Variants in BRD4 observed in about 807,000 individuals in gnomAD.
BRD4 encodes the protein bromodomain containing 4.
A neutral mutation model predicts 142.1 loss-of-function variants in BRD4; 16 were observed. The ratio of observed to expected loss-of-function variants is 0.11; its 90% CI spans 0.08 to 0.17. BRD4 has a LOEUF of 0.17. Among genes scored for constraint, BRD4 ranks in the 10% least tolerant of loss-of-function variants. The pLI, the probability that BRD4 is intolerant of heterozygous loss-of-function variation, is 1.00. For synonymous variants in BRD4, 833 were observed against 707.5 expected, an observed-to-expected ratio of 1.18 and a Z score of -2.82; for missense variants, 1,424 against 1,810.9, an observed-to-expected ratio of 0.79 and a Z score of 3.88.
chr19:15,304,781 A>G (rs1268263772), intron 1 of BRD4, among the ~76,000 whole-genome samples: 8 of 152,106 alleles, frequency 5.3e-5, no homozygotes, highest in Admixed American at 5.2e-4. Flanking sequence ...TTAGGGTCTC[A>G]GTTTTGCAGC....
intron 1 of BRD4, among the ~76,000 whole-genome samples, chr19:15,286,593 T>C (rs550659448): frequency 1.3e-5 from 2 of 152,336 alleles, no homozygotes; most frequent in Admixed American, 1.3e-4. Flanking sequence ...AACATTTTTT[T>C]CCTTACTAAA....
chr19:15,285,616 A>G (rs986168572), intron 1 of BRD4, among the ~76,000 whole-genome samples: 2 of 152,234 alleles, frequency 1.3e-5, no homozygotes, highest in African/African-American at 2.4e-5. Context: ...ATCACACATA[A>G]ATAAAGCCTT....
chr19:15,272,764 CAGG>C (rs771526431), intron 2 of BRD4, 48 bp downstream of exon 2: 1 of 1,548,834 alleles, frequency 6.5e-7, no homozygotes, highest in South Asian at 1.2e-5. Flanking sequence ...AGGAGACATG[CAGG>C]AGACGACCTC....
rs995599589 is a variant in BRD4, at chr19:15,253,334, G to C, written c.2158+818C>G. 3 of 581,420 alleles carry C rather than the reference G, an allele frequency of 5.2e-6. No homozygotes were observed. In the Admixed American group the frequency reaches 9.7e-5, roughly 19 times the overall value. 36.0% of individuals were successfully genotyped at this position (581,420 alleles called of 1,614,324 possible). A position where few individuals can be genotyped will look rare whatever the true frequency, so the allele number is the denominator to read the frequency against. On this transcript the variant is annotated intron_variant, in intron 11 of 19. Transcript: ENST00000679869. ...CATCTGCGCCCCTGAGAATAATGAG[G>C]AAAGTGCACACTTGGAGGAGAGCAG...
chr19:15,319,652 G>A (rs1044161477), intron 1 of BRD4, among the ~76,000 whole-genome samples: 1 of 151,826 alleles, frequency 6.6e-6, no homozygotes, highest in African/African-American at 2.4e-5. Flanking sequence ...CCATCAAGAG[G>A]CAGGGTGAAG....
At chr19:15,290,293 C>A (rs550980283) in intron 1 of BRD4, among the ~76,000 whole-genome samples, 1 of 152,274 alleles carries the variant, frequency 6.6e-6, no homozygotes, top group South Asian at 2.1e-4. Flanking sequence ...AAAGTTAGTA[C>A]TAGACCATTT....
chr19:15,310,683 C>T (rs905133633), intron 1 of BRD4, among the ~76,000 whole-genome samples: 23 of 150,924 alleles, frequency 1.5e-4, no homozygotes, highest in Admixed American at 1.4e-3. Context: ...TTATTAGAGA[C>T]GGGGTTTCAC....
At chr19:15,297,831 G>A (rs981584939) in intron 1 of BRD4, among the ~76,000 whole-genome samples, 3 of 152,210 alleles carry the variant, frequency 2.0e-5, no homozygotes, top group African/African-American at 7.2e-5. Flanking sequence ...AATGGTAATG[G>A]CAGCATATAA....
intron 1 of BRD4, among the ~76,000 whole-genome samples, chr19:15,326,417 G>A (rs6512023): frequency 0.78 from 118,725 of 151,964 alleles, 47,140 homozygotes; most frequent in African/African-American, 0.94. Flanking sequence ...CAATGAGCCA[G>A]TCTCTGCATG....
intron 1 of BRD4, among the ~76,000 whole-genome samples, chr19:15,304,353 G>A (rs1334268548): frequency 1.3e-5 from 2 of 152,200 alleles, no homozygotes; most frequent in African/African-American, 4.8e-5. Flanking sequence ...ACAAGTGCTG[G>A]CCTAACCAAG....
intron 1 of BRD4, among the ~76,000 whole-genome samples, chr19:15,326,957 T>C (rs2048113459): frequency 6.6e-6 from 1 of 152,196 alleles, no homozygotes; most frequent in Admixed American, 6.5e-5. Context: ...CTGTTCTCTA[T>C]GGAGCAGCAT....
chr19:15,242,024 G>A (rs118126009), intron 14 of BRD4, among the ~76,000 whole-genome samples: 2,173 of 152,194 alleles, frequency 0.014, 29 homozygotes, highest in Non-Finnish European at 0.019. Flanking sequence ...TCTTGGTCAG[G>A]CTGGTCTTGA....
At chr19:15,263,089 G>A (rs2047491548) in intron 7 of BRD4, among the ~76,000 whole-genome samples, 2 of 152,062 alleles carry the variant, frequency 1.3e-5, no homozygotes, top group South Asian at 2.1e-4. Context: ...GCGACTTCTC[G>A]GCAAGAGTGC....
At chr19:15,311,634 T>A (rs566359729) in intron 1 of BRD4, among the ~76,000 whole-genome samples, 19 of 149,276 alleles carry the variant, frequency 1.3e-4, no homozygotes, top group African/African-American at 4.4e-4. Flanking sequence ...CTACTAAAAA[T>A]ACATTAAAAA....
intron 1 of BRD4, among the ~76,000 whole-genome samples, chr19:15,288,445 G>C (rs1425903840): frequency 6.6e-6 from 1 of 152,146 alleles, no homozygotes; most frequent in Non-Finnish European, 1.5e-5. Flanking sequence ...GTGAAACACA[G>C]GATCCAGTTA....
chr19:15,325,351 C>T (rs2048098309), intron 1 of BRD4, among the ~76,000 whole-genome samples: 1 of 152,182 alleles, frequency 6.6e-6, no homozygotes, highest in African/African-American at 2.4e-5. Flanking sequence ...TGCCAAGAGG[C>T]TGCCCAAGCC....
In BRD4 at chr19:15,238,160, GGGGTGGT is replaced by G. The variant is rs2047208804; in HGVS notation, c.*210_*216del. On this transcript the variant is annotated 3_prime_UTR_variant, in exon 20 of 20. Transcript: ENST00000679869. This position sits in a 1 kb window ranked among gnomAD's most constrained non-coding sequence, Gnocchi z 7.2. ...CGTGTGCTGAGCGGACGTCCTGTGAGGGGTGGTGGGTGGCGGGACGTCTGTCCGACTG... is the reference window on the plus strand; with the variant it reads ...CGTGTGCTGAGCGGACGTCCTGTGAGGGGTGGCGGGACGTCTGTCCGACTG... 2 of 663,348 alleles carry G rather than the reference GGGGTGGT, an allele frequency of 3.0e-6. No individual in the cohort carries two copies. The allele number at this position is 663,348 out of a possible 1,614,324, so 41.1% of individuals were successfully genotyped here.
intron 1 of BRD4, among the ~76,000 whole-genome samples, chr19:15,296,522 G>A (rs8102209): frequency 0.78 from 119,032 of 152,144 alleles, 47,354 homozygotes; most frequent in African/African-American, 0.94. Context: ...AGCCACACAA[G>A]GCCCAAAGCC....
At chr19:15,313,154 G>A (rs1178437915) in intron 1 of BRD4, among the ~76,000 whole-genome samples, 2 of 149,696 alleles carry the variant, frequency 1.3e-5, no homozygotes, top group Admixed American at 1.3e-4. Context: ...GGCGGATCAC[G>A]AGGTCAGGAG....
Sources: allele counts gnomAD v4.1 joint callset (sites outside exome capture counted in the v4.1 genomes callset), GRCh38; gene constraint gnomAD v4.1.1; non-coding constraint Gnocchi (gnomAD v3.1); transcripts MANE v1.5; gene names NCBI Gene and HGNC (gene_info 2026-07-23, HGNC 2026-07-21).